STPG2: variants seen among roughly 807,000 people sequenced by gnomAD.
STPG2 encodes the protein sperm tail PG-rich repeat containing 2.
In STPG2, 56 loss-of-function variants were observed where a neutral mutation model predicts 54.2. The ratio of observed to expected loss-of-function variants is 1.03; its 90% CI spans 0.83 to 1.29. STPG2 has a LOEUF of 1.29. STPG2 is among the 50% of genes most tolerant of loss of function. The probability of loss-of-function intolerance (pLI) is 0.00; values close to 1 mark genes in which losing one functional copy is unlikely to be tolerated. For missense variants in STPG2, 596 were observed against 544.9 expected, an observed-to-expected ratio of 1.09 and a Z score of -0.93; for synonymous variants, 200 against 181.8, an observed-to-expected ratio of 1.10 and a Z score of -0.81.
chr4:97,646,934 C>T (rs1277654420), intron 10 of STPG2, among the ~76,000 whole-genome samples: 7 of 152,062 alleles, frequency 4.6e-5, no homozygotes, highest in Non-Finnish European at 8.8e-5. Context: ...TCTGGATAGT[C>T]ATTAGGCGTC....
intron 6 of STPG2, among the ~76,000 whole-genome samples, chr4:97,980,780 CAT>C (rs1182423436): frequency 1.3e-5 from 2 of 152,008 alleles, no homozygotes; most frequent in Non-Finnish European, 2.9e-5. Flanking sequence ...TACCAGAATA[CAT>C]GATTGAAAAC....
chr4:98,121,237 C>T (rs1451260583), intron 3 of STPG2, among the ~76,000 whole-genome samples: 3 of 152,110 alleles, frequency 2.0e-5, no homozygotes, highest in Non-Finnish European at 4.4e-5. Context: ...ATATTCTGTT[C>T]CATTGGTCTA....
intron 10 of STPG2, among the ~76,000 whole-genome samples, chr4:97,665,848 T>A (rs1413890219): frequency 6.6e-6 from 1 of 152,114 alleles, no homozygotes; most frequent in Admixed American, 6.5e-5. Context: ...CTGTTATCAC[T>A]GCCCTGAGCA....
chr4:97,458,977 C>T (rs964503915), intron 4 of STPG2, among the ~76,000 whole-genome samples: 2 of 151,870 alleles, frequency 1.3e-5, no homozygotes, highest in Non-Finnish European at 2.9e-5. Context: ...TAATATGTAA[C>T]AATAAAAAAC....
chr4:97,847,959 G>A (rs1729008945), intron 8 of STPG2, among the ~76,000 whole-genome samples: 1 of 152,026 alleles, frequency 6.6e-6, no homozygotes, highest in Admixed American at 6.6e-5. Flanking sequence ...CTTATTACGT[G>A]GCAGTTGTAC....
chr4:97,531,528 T>A (rs1373990561), intron 4 of STPG2, among the ~76,000 whole-genome samples: 1 of 152,148 alleles, frequency 6.6e-6, no homozygotes, highest in African/African-American at 2.4e-5. Flanking sequence ...AATTCAGTCA[T>A]AAAAATGAAT....
intron 8 of STPG2, among the ~76,000 whole-genome samples, chr4:97,907,794 G>A (rs867169273): frequency 6.6e-6 from 1 of 152,072 alleles, no homozygotes; most frequent in Non-Finnish European, 1.5e-5. Flanking sequence ...ATAAATAGTG[G>A]TGGGAAAACT....
rs1725343811 is a variant in STPG2, at chr4:97,743,887, T to C, written c.1205-31073A>G. Reference sequence around the variant, plus strand: ...GGATTTTGCTAAATAGGTGCAAGTATTCATAGGTGAAAGAAAGAGCATAAG... The same window carrying C: ...GGATTTTGCTAAATAGGTGCAAGTACTCATAGGTGAAAGAAAGAGCATAAG... On this transcript the variant is annotated intron_variant, in intron 9 of 10. Coordinates refer to ENST00000295268, the MANE Select transcript of STPG2 (RefSeq NM_174952.3). Among the ~76,000 whole-genome samples the C allele has an allele frequency of 2.6e-5, 4 of 151,508 alleles. No individual in the cohort carries two copies. In the Admixed American group the frequency reaches 2.6e-4, roughly 10 times the overall value.
chr4:97,982,411 C>CAG (rs1734712491), intron 5 of STPG2, among the ~76,000 whole-genome samples: 1 of 150,942 alleles, frequency 6.6e-6, no homozygotes, highest in Non-Finnish European at 1.5e-5. Context: ...CACACACACA[C>CAG]AGATTTTGAA....
chr4:97,895,122 G>A lies in STPG2; in HGVS notation c.1044+48775C>T, dbSNP rs985270164. Among the ~76,000 whole-genome samples the A allele has an allele frequency of 5.9e-5, 9 of 151,562 alleles. No individual in the cohort carries two copies. The Admixed American group carries it at 5.9e-4, about 10-fold the overall frequency. On this transcript the variant is annotated intron_variant, in intron 8 of 10. Transcript: ENST00000295268. ...GAAAGAAAATTCAATCTAGATATAG[G>A]GCCAAGCAATTGCAATAAAGTATGA...
At chr4:98,039,981 A>G (rs1045012808) in intron 5 of STPG2, among the ~76,000 whole-genome samples, 1 of 151,902 alleles carries the variant, frequency 6.6e-6, no homozygotes, top group Non-Finnish European at 1.5e-5. Context: ...CCTTGCCAAC[A>G]TCTGTTATTC....
At chr4:97,886,728 T>C (rs938007542) in intron 8 of STPG2, among the ~76,000 whole-genome samples, 2 of 152,246 alleles carry the variant, frequency 1.3e-5, no homozygotes, top group Non-Finnish European at 2.9e-5. Context: ...AATTTGGTTA[T>C]TGATATGGTT....
chr4:97,475,922 T>G (rs557637204), intron 4 of STPG2, among the ~76,000 whole-genome samples: 2 of 152,140 alleles, frequency 1.3e-5, no homozygotes, highest in African/African-American at 2.4e-5. Context: ...GTTTCTTTTT[T>G]CTTTACGCCA....
intron 10 of STPG2, among the ~76,000 whole-genome samples, chr4:97,588,309 G>GA (rs1162823979): frequency 6.6e-6 from 1 of 151,800 alleles, no homozygotes; most frequent in Non-Finnish European, 1.5e-5. Flanking sequence ...AAATGCAACT[G>GA]AAAAAAATAC....
chr4:97,580,572 C>T (rs1732839324), intron 10 of STPG2, among the ~76,000 whole-genome samples: 2 of 151,890 alleles, frequency 1.3e-5, no homozygotes. Context: ...CCCTCTCACA[C>T]ACACACACAC....
intron 10 of STPG2, among the ~76,000 whole-genome samples, chr4:97,667,793 C>T (rs1422602944): frequency 6.6e-6 from 1 of 152,132 alleles, no homozygotes; most frequent in East Asian, 1.9e-4. Context: ...GCCATTCTCT[C>T]ATTACTCTTC....
chr4:98,064,402 GTAA>G (rs1405545379), intron 5 of STPG2, among the ~76,000 whole-genome samples: 1 of 152,144 alleles, frequency 6.6e-6, no homozygotes, highest in East Asian at 1.9e-4. Context: ...TTCCTAAAAA[GTAA>G]ATGTTCTGTG....
At chr4:97,897,544 T>G (rs1731004798) in intron 8 of STPG2, among the ~76,000 whole-genome samples, 1 of 152,140 alleles carries the variant, frequency 6.6e-6, no homozygotes, top group Non-Finnish European at 1.5e-5. Flanking sequence ...GCATTCTTTT[T>G]TCTCTGCAAC....
chr4:97,845,131 T>C (rs1463630166), intron 8 of STPG2, among the ~76,000 whole-genome samples: 2 of 151,932 alleles, frequency 1.3e-5, no homozygotes, highest in Non-Finnish European at 2.9e-5. Context: ...AAAAAATTAA[T>C]AGCTGATATT....
Sources: gnomAD v4.1 joint callset for allele counts (sites outside exome capture counted in the v4.1 genomes callset) on GRCh38, gnomAD v4.1.1 for gene constraint, MANE v1.5 for transcripts, NCBI Gene and HGNC (gene_info 2026-07-23, HGNC 2026-07-21) for gene names.